The following DRC11L variants were observed in gnomAD, a reference collection of about 807,000 sequenced individuals.
DRC11L encodes the protein dynein regulatory complex subunit like-11.
At chr7:151,204,460 C>T in the DRC11L span, 11 of 399,024 alleles carry the variant, frequency 2.8e-5, no homozygotes, top group Middle Eastern at 6.3e-4. Flanking sequence ...CCACCTCTCC[C>T]CTCCCGCTAG....
the DRC11L span, among the ~76,000 whole-genome samples, chr7:151,194,882 C>T: frequency 6.6e-6 from 1 of 152,224 alleles, no homozygotes; most frequent in African/African-American, 2.4e-5. Context: ...TTAGTCTGCC[C>T]CCTGACCAAA....
the DRC11L span, chr7:151,203,096 T>G: frequency 2.5e-6 from 1 of 399,140 alleles, no homozygotes; most frequent in East Asian, 3.6e-5. Flanking sequence ...CCTGTAAAGC[T>G]CTGGCCAGAG....
At chr7:151,192,728 T>A in the DRC11L span, 1 of 399,234 alleles carries the variant, frequency 2.5e-6, no homozygotes, top group Non-Finnish European at 4.4e-6. Flanking sequence ...GGCCTTCACA[T>A]CCATGCTCCC....
chr7:151,194,646 A>G, the DRC11L span: 1 of 399,272 alleles, frequency 2.5e-6, no homozygotes. Context: ...AAGGGACATT[A>G]GCAAGTGAGA....
the DRC11L span, among the ~76,000 whole-genome samples, chr7:151,198,433 G>C: frequency 2.6e-5 from 4 of 152,146 alleles, no homozygotes; most frequent in Non-Finnish European, 5.9e-5. Flanking sequence ...TGGATGGATG[G>C]AGAACACCAG....
At chr7:151,192,338 C>T in the DRC11L span, 1 of 399,220 alleles carries the variant, frequency 2.5e-6, no homozygotes. Context: ...CCGGCACAGA[C>T]CCCGCATCTC....
chr7:151,192,150 G>A, the DRC11L span: 1 of 398,162 alleles, frequency 2.5e-6, no homozygotes, highest in South Asian at 1.4e-4. Flanking sequence ...CCACTGGGCT[G>A]CTTGTCCAGC....
At chr7:151,195,897 G>A in the DRC11L span, 6 of 350,788 alleles carry the variant, frequency 1.7e-5, no homozygotes, top group Non-Finnish European at 2.6e-5. Context: ...CAGGAGCCCT[G>A]TTCTTAACAG....
At chr7:151,191,183 C>T in the DRC11L span, 3 of 399,592 alleles carry the variant, frequency 7.5e-6, no homozygotes, top group African/African-American at 6.2e-5. Context: ...GCCTCTTCTC[C>T]TCTCCTCCTG....
At chr7:151,204,609 A>C in the DRC11L span, 1 of 399,052 alleles carries the variant, frequency 2.5e-6, no homozygotes, top group South Asian at 1.3e-4. Flanking sequence ...GCGGCCCGCC[A>C]CGCCGTCCAG....
chr7:151,204,892 G>A, the DRC11L span: 213 of 399,076 alleles, frequency 5.3e-4, no homozygotes, highest in African/African-American at 4.0e-3. Flanking sequence ...GTGGGGAGAC[G>A]GAGCAGCCTG....
chr7:151,194,923 T>C, the DRC11L span, among the ~76,000 whole-genome samples: 1 of 152,192 alleles, frequency 6.6e-6, no homozygotes, highest in Non-Finnish European at 1.5e-5. Context: ...GTCATTTGAG[T>C]TAAGCATTGC....
chr7:151,196,318 GT>G, the DRC11L span: 1 of 397,418 alleles, frequency 2.5e-6, no homozygotes, highest in Non-Finnish European at 4.4e-6. Context: ...GGGGACTGGG[GT>G]TGGGTGTTCA....
the DRC11L span, among the ~76,000 whole-genome samples, chr7:151,201,270 C>T: frequency 6.6e-6 from 1 of 152,342 alleles, no homozygotes; most frequent in East Asian, 1.9e-4. The surrounding 1 kb of genome is among the most constrained non-coding windows in gnomAD (Gnocchi z 4.1). Context: ...ACCAGGCCTG[C>T]CATGACTGGG....
chr7:151,198,775 T>A, the DRC11L span: 5 of 398,824 alleles, frequency 1.3e-5, no homozygotes, highest in African/African-American at 6.2e-5. Flanking sequence ...GGATGGAGGG[T>A]AGGGTCAGCT....
At chr7:151,197,615 T>C in the DRC11L span, among the ~76,000 whole-genome samples, 1 of 152,180 alleles carries the variant, frequency 6.6e-6, no homozygotes, top group Non-Finnish European at 1.5e-5. Context: ...TACCCAGACA[T>C]CCTTCCTTTC....
chr7:151,200,330 C>A, the DRC11L span: 1 of 399,302 alleles, frequency 2.5e-6, no homozygotes, highest in East Asian at 3.6e-5. Flanking sequence ...GGGGGCCCTG[C>A]CCTGGCCAGC....
chr7:151,203,121 C>T, the DRC11L span: 8 of 399,010 alleles, frequency 2.0e-5, no homozygotes, highest in East Asian at 2.5e-4. Flanking sequence ...GGCAAAAGAG[C>T]AGGAGCACAT....
At chr7:151,196,656 GAC>G in the DRC11L span, 1 of 398,912 alleles carries the variant, frequency 2.5e-6, no homozygotes, top group East Asian at 3.6e-5. Flanking sequence ...CGTGCACACA[GAC>G]ACATGTGTGC....
Sources: gnomAD v4.1 joint callset for allele counts (sites outside exome capture counted in the v4.1 genomes callset) on GRCh38, gnomAD v4.1.1 for gene constraint, Gnocchi (gnomAD v3.1) non-coding constraint, MANE v1.5 for transcripts, NCBI Gene and HGNC (gene_info 2026-07-23, HGNC 2026-07-21) for gene names.